ACSL1: variants seen among roughly 807,000 people sequenced by gnomAD.
The protein encoded by ACSL1 is acyl-CoA synthetase long chain family member 1.
Under a neutral mutation model 98.4 loss-of-function variants are expected in ACSL1, and 41 were observed. That is an observed-to-expected ratio of 0.42 (90% CI 0.32 to 0.54). The LOEUF (loss-of-function observed/expected upper bound fraction) is 0.54. ACSL1 is among the 20% of genes least tolerant of loss of function. The probability of loss-of-function intolerance (pLI) is 0.13; values close to 1 mark genes in which losing one functional copy is unlikely to be tolerated. For synonymous variants in ACSL1, 316 were observed against 322.7 expected, an observed-to-expected ratio of 0.98 and a Z score of 0.22; for missense variants, 734 against 883.1, an observed-to-expected ratio of 0.83 and a Z score of 2.14.
At chr4:184,770,527 A>ACAGCCGCCCTGTCC (rs1435125865) in intron 10 of ACSL1, 51 bp from the exon 11 acceptor site, 1 of 1,090,898 alleles carries the variant, frequency 9.2e-7, no homozygotes, top group African/African-American at 1.7e-5. Context: ...CTCCCAGTGA[A>ACAGCCGCCCTGTCC]GGGGAACATC....
chr4:184,813,846 C>T (rs1772356683), intron 1 of ACSL1: 1 of 456,176 alleles, frequency 2.2e-6, no homozygotes, highest in Admixed American at 2.3e-5. Context: ...AGGCACTTTC[C>T]TCCTCCGAGG....
intron 2 of ACSL1, among the ~76,000 whole-genome samples, chr4:184,793,045 C>T (rs1028938215): frequency 3.9e-5 from 6 of 152,252 alleles, no homozygotes; most frequent in Non-Finnish European, 5.9e-5. Flanking sequence ...GTGTGGGTCG[C>T]TTGGGCTCAA....
rs376229919 is a variant in ACSL1, at chr4:184,817,581, G to A, written c.-33+8335C>T. ...TGTGTCTCCATCTGTTCCCCACCAT[G>A]GGCAACAATGCATGAAACTGCTAAT... On this transcript the variant is annotated intron_variant, in intron 1 of 20. Transcript: ENST00000281455. Among the ~76,000 whole-genome samples the A allele has an allele frequency of 1.7e-3, 252 of 152,170 alleles. 3 individuals are homozygous for A. Among genetic ancestry groups the A allele is most frequent in the African/African-American group, 5.9e-3 (244 of 41,538 alleles).
intron 2 of ACSL1, among the ~76,000 whole-genome samples, chr4:184,793,003 T>G (rs1768665117): frequency 6.6e-6 from 1 of 152,150 alleles, no homozygotes; most frequent in Non-Finnish European, 1.5e-5. Flanking sequence ...CTTACGGCCT[T>G]CTGACATAAC....
At chr4:184,778,976 G>A (rs764667347) in intron 5 of ACSL1, among the ~76,000 whole-genome samples, 35 of 151,718 alleles carry the variant, frequency 2.3e-4, no homozygotes, top group Admixed American at 1.3e-4. Context: ...CAGGGATTGA[G>A]TCAGCATGTC....
At position 184,757,332 on chromosome 4, in the gene ACSL1, GC is replaced by G; in HGVS notation, c.1957-68del. On this transcript the variant is annotated intron_variant, in intron 20 of 20. Coordinates refer to ENST00000281455, the MANE Select transcript of ACSL1 (RefSeq NM_001995.5). This position sits in a 1 kb window ranked among gnomAD's most constrained non-coding sequence, Gnocchi z 4.5. ...GGCCACCAGTCTCAAAAGCACGTAAGCCTTGGAGGGGATCAACACTCTCCAG... is the reference window on the plus strand; with the variant it reads ...GGCCACCAGTCTCAAAAGCACGTAAGCTTGGAGGGGATCAACACTCTCCAG... 1 of 1,532,076 alleles carries G rather than the reference GC, an allele frequency of 6.5e-7. No individual in the cohort carries two copies. 94.9% of individuals were successfully genotyped at this position (1,532,076 alleles called of 1,614,324 possible).
intron 3 of ACSL1, among the ~76,000 whole-genome samples, chr4:184,784,795 G>A (rs567288829): frequency 6.6e-6 from 1 of 152,146 alleles, no homozygotes; most frequent in Non-Finnish European, 1.5e-5. Context: ...GCAGATTCAG[G>A]AATCAGCCAC....
chr4:184,795,774 G>A (rs142312016), intron 2 of ACSL1, among the ~76,000 whole-genome samples: 45 of 152,308 alleles, frequency 3.0e-4, no homozygotes, highest in African/African-American at 1.1e-3. Context: ...ATGTAGATTT[G>A]TAAGAAAATG....
intron 10 of ACSL1, 131 bp downstream of exon 10, chr4:184,772,950 A>T (rs963078961): frequency 6.5e-6 from 5 of 768,886 alleles, no homozygotes; most frequent in Non-Finnish European, 1.0e-5. Context: ...TAAAGTTCTG[A>T]CCTTACCCAT....
At position 184,755,852 on chromosome 4, in the gene ACSL1, C is replaced by G. The variant is rs1561162829; in HGVS notation, c.*1273G>C. Reference sequence around the variant, plus strand: ...ACATGTACTCTCACAGACCCCAAAACAGCTGCTTTAAATGTACAAATGACA... The same window carrying G: ...ACATGTACTCTCACAGACCCCAAAAGAGCTGCTTTAAATGTACAAATGACA... On this transcript the variant is annotated 3_prime_UTR_variant, in exon 21 of 21. Coordinates refer to ENST00000281455, the MANE Select transcript of ACSL1 (RefSeq NM_001995.5). The G allele has an allele frequency of 1.3e-5, 2 of 152,666 alleles. No homozygotes were observed. Among genetic ancestry groups the G allele is most frequent in the Admixed American group, 6.5e-5 (1 of 15,286 alleles). 9.5% of individuals were successfully genotyped at this position (152,666 alleles called of 1,614,324 possible).
intron 1 of ACSL1, among the ~76,000 whole-genome samples, chr4:184,806,106 G>A (rs1427178006): frequency 1.3e-5 from 2 of 152,206 alleles, no homozygotes; most frequent in Non-Finnish European, 2.9e-5. Flanking sequence ...CAGGCGCTGG[G>A]AAGACAGTGT....
intron 15 of ACSL1, 34 bp downstream of exon 15, chr4:184,764,819 C>A: frequency 1.9e-6 from 3 of 1,588,552 alleles, no homozygotes; most frequent in Non-Finnish European, 2.6e-6. Context: ...GTATGAATAA[C>A]AAAATTCCAA....
intron 5 of ACSL1, among the ~76,000 whole-genome samples, chr4:184,778,560 G>A (rs1282662516): frequency 6.6e-6 from 1 of 152,108 alleles, no homozygotes; most frequent in Admixed American, 6.5e-5. Context: ...CTCCTTGACT[G>A]AGCTCCCATA....
rs558470137 is a variant in ACSL1 at position 184,788,489 on chromosome 4, T to C, written c.310+128A>G. 61 of 760,550 alleles carry C rather than the reference T, an allele frequency of 8.0e-5. No homozygotes were observed. The African/African-American group carries it at 8.7e-4, about 11-fold the overall frequency. 47.1% of individuals were successfully genotyped at this position (760,550 alleles called of 1,614,324 possible). A position where few individuals can be genotyped will look rare whatever the true frequency, so the allele number is the denominator to read the frequency against. ...GGGACCGACTCTGGGAAAGTTACAG[T>C]GGACACAGAGGGGCCTGAGCGATCC... is the stretch of plus-strand genomic sequence containing the variant. On this transcript the variant is annotated intron_variant, in intron 3 of 20. Coordinates refer to ENST00000281455, the MANE Select transcript of ACSL1 (RefSeq NM_001995.5).
chr4:184,825,019 G>A lies in ACSL1; in HGVS notation c.-33+897C>T, dbSNP rs78039549. The A allele has an allele frequency of 0.02, 3,921 of 197,774 alleles. 170 individuals are homozygous for A. The highest frequency in any genetic ancestry group is 0.085 in the African/African-American group (3,604 of 42,290). The allele number at this position is 197,774 out of a possible 1,614,324, so 12.3% of individuals were successfully genotyped here. ...TAAAAGACAGGGCAGTGAGAGTCGC[G>A]GGACTTTAGACACTCCTGCACCAAG... is the stretch of plus-strand genomic sequence containing the variant. On this transcript the variant is annotated intron_variant, in intron 1 of 20. Transcript: ENST00000281455. This position sits in a 1 kb window ranked among gnomAD's most constrained non-coding sequence, Gnocchi z 4.7.
At chr4:184,761,763 G>A (rs940602393) in intron 17 of ACSL1, among the ~76,000 whole-genome samples, 3 of 151,916 alleles carry the variant, frequency 2.0e-5, no homozygotes, top group Non-Finnish European at 4.4e-5. Context: ...GGCTCAGTAC[G>A]GATATTGTAA....
Position 184,757,852 on chromosome 4 carries a change from A to G in ACSL1, c.1851T>C (p.Phe617=). The change falls in exon 19 of 21, where the codon TTT becomes TTC. Residue 617 remains phenylalanine, a synonymous_variant. Coordinates refer to ENST00000281455, the MANE Select transcript of ACSL1 (RefSeq NM_001995.5). This position sits in a 1 kb window ranked among gnomAD's most constrained non-coding sequence, Gnocchi z 4.5. ...TGCACAGTTCCTCAAACGACCCTTC[A>G]AATCCTCTCTTTTGGGCCCAGGAAC... ...TLCSWAQKRG[F]EGSFEELCRN... The G allele has an allele frequency of 6.2e-7, 1 of 1,614,176 alleles. No individual in the cohort carries two copies. Among genetic ancestry groups the G allele is most frequent in the Non-Finnish European group, 8.5e-7 (1 of 1,180,024 alleles).
chr4:184,790,069 G>A (rs1382001400), intron 2 of ACSL1, among the ~76,000 whole-genome samples: 1 of 152,092 alleles, frequency 6.6e-6, no homozygotes, highest in Admixed American at 6.5e-5. Context: ...AAAGAAGTGT[G>A]GAAAAGCTAG....
chr4:184,776,751 T>C lies in ACSL1; in HGVS notation c.578-89A>G, dbSNP rs543273561. On this transcript the variant is annotated intron_variant, in intron 6 of 20. Transcript: ENST00000281455. Reference sequence around the variant, plus strand: ...TCCAGCACAAGGATACTTGAAGTACTACATTCTTTGAATAAAAAGGTAGAT... The same window carrying C: ...TCCAGCACAAGGATACTTGAAGTACCACATTCTTTGAATAAAAAGGTAGAT... 15 of 1,498,994 alleles carry C rather than the reference T, an allele frequency of 1.0e-5. No individual in the cohort carries two copies. The African/African-American group carries it at 1.7e-4, about 17-fold the overall frequency. 92.9% of individuals were successfully genotyped at this position (1,498,994 alleles called of 1,614,324 possible).
Sources: allele counts gnomAD v4.1 joint callset (sites outside exome capture counted in the v4.1 genomes callset), GRCh38; gene constraint gnomAD v4.1.1; non-coding constraint Gnocchi (gnomAD v3.1); transcripts MANE v1.5; gene names NCBI Gene and HGNC (gene_info 2026-07-23, HGNC 2026-07-21).